EYS: variants seen among roughly 807,000 people sequenced by gnomAD.
EYS encodes protein eyes shut homolog.
A neutral mutation model predicts 282.1 loss-of-function variants in EYS; 250 were observed. The observed-to-expected ratio is 0.89, with a 90% CI of 0.80 to 0.98. The LOEUF is 0.98. Among genes scored for constraint, EYS ranks in the 50% least tolerant of loss-of-function variants. EYS has a pLI of 0.00. For synonymous variants in EYS, 1,355 were observed against 1,282.9 expected, an observed-to-expected ratio of 1.06 and a Z score of -1.20; for missense variants, 4,016 against 3,709.0, an observed-to-expected ratio of 1.08 and a Z score of -2.15.
rs1771889166 is a variant in EYS, at chr6:64,079,558, T to G, written c.6571+2298A>C. On this transcript the variant is annotated intron_variant, in intron 32 of 42. Coordinates refer to ENST00000503581, the MANE Select transcript of EYS (RefSeq NM_001142800.2). ...AAGTTGCCCCAAAGGGGATAATTGT[T>G]TTTTATTTTTTATTTTTTTATTATT... Among the ~76,000 whole-genome samples the G allele has an allele frequency of 2.1e-5, 3 of 145,552 alleles. No individual in the cohort carries two copies. The South Asian group carries it at 6.5e-4, about 32-fold the overall frequency.
intron 31 of EYS, among the ~76,000 whole-genome samples, chr6:64,170,651 T>C (rs951810664): frequency 2.0e-5 from 3 of 149,822 alleles, no homozygotes; most frequent in Admixed American, 1.3e-4. Context: ...GGCATCCTAA[T>C]CTAGTATGAC....
At chr6:64,942,208 T>G (rs1334401206) in intron 15 of EYS, among the ~76,000 whole-genome samples, 1 of 150,844 alleles carries the variant, frequency 6.6e-6, no homozygotes, top group Non-Finnish European at 1.5e-5. Flanking sequence ...CTCTGATTAA[T>G]GATGTTGAGC....
intron 26 of EYS, among the ~76,000 whole-genome samples, chr6:64,530,405 T>C (rs1334079299): frequency 6.6e-6 from 1 of 152,070 alleles, no homozygotes; most frequent in Non-Finnish European, 1.5e-5. Context: ...CATGTTTATA[T>C]CTGCAGGACA....
chr6:64,871,643 T>G (rs1766600609), intron 19 of EYS, among the ~76,000 whole-genome samples: 1 of 152,004 alleles, frequency 6.6e-6, no homozygotes, highest in South Asian at 2.1e-4. Flanking sequence ...CAAAATTTTC[T>G]CTAAAGGTCA....
At chr6:64,238,137 C>A (rs891730950) in intron 30 of EYS, among the ~76,000 whole-genome samples, 2 of 152,092 alleles carry the variant, frequency 1.3e-5, no homozygotes, top group African/African-American at 4.8e-5. Flanking sequence ...ATTTTTCTCA[C>A]GGGACAAATG....
At chr6:64,550,059 C>G (rs1428109896) in intron 26 of EYS, among the ~76,000 whole-genome samples, 3 of 152,210 alleles carry the variant, frequency 2.0e-5, no homozygotes, top group Non-Finnish European at 4.4e-5. Flanking sequence ...CCACGAAGCA[C>G]ATGAAATCAT....
At position 64,378,670 on chromosome 6, in the gene EYS, G is replaced by A. The variant is rs199627771; in HGVS notation, c.6078+10020C>T. Among the ~76,000 whole-genome samples, 11 of 152,212 alleles carry A rather than the reference G, an allele frequency of 7.2e-5. No individual in the cohort carries two copies. The East Asian group carries it at 1.7e-3, about 24-fold the overall frequency. ...AGAAGGTAGAGTCTCTATTTTGCAGGTAAAGAAAAAGCCCAAGCAAGCATA... is the reference window on the plus strand; with the variant it reads ...AGAAGGTAGAGTCTCTATTTTGCAGATAAAGAAAAAGCCCAAGCAAGCATA... On this transcript the variant is annotated intron_variant, in intron 29 of 42. Coordinates refer to ENST00000503581, the MANE Select transcript of EYS (RefSeq NM_001142800.2).
intron 1 of EYS, among the ~76,000 whole-genome samples, chr6:65,656,438 G>A (rs1602235): frequency 0.83 from 125,731 of 151,808 alleles, 52,120 homozygotes; most frequent in East Asian, 0.85. Context: ...TTCAGTGAAC[G>A]TATGAATGAT....
chr6:65,157,562 T>C (rs1414549329), intron 12 of EYS, among the ~76,000 whole-genome samples: 2 of 150,620 alleles, frequency 1.3e-5, no homozygotes, highest in Admixed American at 6.6e-5. Context: ...AGAGAAGCTA[T>C]TACAATTAAT....
chr6:64,996,847 A>G (rs1223219119), intron 14 of EYS, among the ~76,000 whole-genome samples: 1 of 152,136 alleles, frequency 6.6e-6, no homozygotes, highest in African/African-American at 2.4e-5. Context: ...TCTAACTTCA[A>G]CAAGTATAGT....
intron 28 of EYS, among the ~76,000 whole-genome samples, chr6:64,429,074 T>C (rs960848450): frequency 3.9e-5 from 6 of 152,062 alleles, no homozygotes; most frequent in African/African-American, 1.4e-4. Context: ...AATATCTTTT[T>C]CTAGAGAAAA....
At chr6:65,548,647 T>C (rs1274046153) in intron 2 of EYS, among the ~76,000 whole-genome samples, 1 of 152,214 alleles carries the variant, frequency 6.6e-6, no homozygotes, top group African/African-American at 2.4e-5. Flanking sequence ...TCTATGATTG[T>C]ATCCTTTCCA....
At chr6:63,923,804 C>T (rs979578379) in intron 35 of EYS, among the ~76,000 whole-genome samples, 1 of 152,138 alleles carries the variant, frequency 6.6e-6, no homozygotes. Flanking sequence ...GTTTAGCTTC[C>T]ACTCATAAGT....
intron 30 of EYS, among the ~76,000 whole-genome samples, chr6:64,306,492 G>C (rs1414525599): frequency 6.6e-6 from 1 of 152,024 alleles, no homozygotes; most frequent in Non-Finnish European, 1.5e-5. Context: ...TATCTCTTTA[G>C]TTCACCCAAT....
chr6:64,215,062 G>A (rs1284431305), intron 31 of EYS, among the ~76,000 whole-genome samples: 2 of 151,940 alleles, frequency 1.3e-5, no homozygotes, highest in East Asian at 3.8e-4. Context: ...TAAAGATCTA[G>A]AGGATAATGT....
At chr6:64,226,854 A>G (rs796486957) in intron 31 of EYS, among the ~76,000 whole-genome samples, 7 of 152,206 alleles carry the variant, frequency 4.6e-5, no homozygotes, top group African/African-American at 1.7e-4. Context: ...TTAGTCTCAT[A>G]GCTCCAGAAA....
intron 29 of EYS, among the ~76,000 whole-genome samples, chr6:64,385,594 T>G (rs1772880634): frequency 6.6e-6 from 1 of 152,172 alleles, no homozygotes; most frequent in Non-Finnish European, 1.5e-5. Context: ...AGGCCAATGT[T>G]TCAGACAAGG....
chr6:63,722,613 C>A (rs1002060187), intron 42 of EYS, among the ~76,000 whole-genome samples: 8 of 152,192 alleles, frequency 5.3e-5, no homozygotes, highest in African/African-American at 1.9e-4. Context: ...AGCAAAATGA[C>A]TTATTAATAA....
rs113734033 is a variant in EYS, at chr6:64,657,470, C to T, written c.3444-31225G>A. Among the ~76,000 whole-genome samples, 457 of 152,276 alleles carry T rather than the reference C, an allele frequency of 3.0e-3. 2 individuals carry two copies. Among genetic ancestry groups the T allele is most frequent in the African/African-American group, 0.01 (416 of 41,558 alleles). The stretch of plus-strand genomic sequence containing the variant: ...AGCATTGATGGTCTTTACAATTTGG[C>T]ATGTTTTTGCAGTGGCTGGTACTGG... On this transcript the variant is annotated intron_variant, in intron 22 of 42. Coordinates refer to ENST00000503581, the MANE Select transcript of EYS (RefSeq NM_001142800.2).
Sources: gnomAD v4.1 joint callset for allele counts (sites outside exome capture counted in the v4.1 genomes callset) on GRCh38, gnomAD v4.1.1 for gene constraint, MANE v1.5 for transcripts, NCBI Gene and HGNC (gene_info 2026-07-23, HGNC 2026-07-21) for gene names.